ADGRL2: variants seen among roughly 807,000 people sequenced by gnomAD.
ADGRL2 encodes the protein calcium-independent alpha-latrotoxin receptor 2.
Under a neutral mutation model 157.4 loss-of-function variants are expected in ADGRL2, and 44 were observed. The ratio of observed to expected loss-of-function variants is 0.28; its 90% CI spans 0.22 to 0.36. ADGRL2 has a LOEUF of 0.36. ADGRL2 is among the 10% of genes least tolerant of loss of function. The pLI is 1.00. For synonymous variants in ADGRL2, 585 were observed against 624.7 expected (o/e 0.94, Z 0.95); for missense variants, 1,510 against 1,768.9 (o/e 0.85, Z 2.63).
At chr1:81,965,893 G>C (rs991951032) in intron 11 of ADGRL2, among the ~76,000 whole-genome samples, 165 bp from the exon 12 acceptor site, 28 of 152,238 alleles carry the variant, frequency 1.8e-4, no homozygotes, top group African/African-American at 6.7e-4. Context: ...AAATCATTTG[G>C]AGTAATTTGG....
At chr1:81,578,937 C>T (rs971892629) in intron 2 of ADGRL2, among the ~76,000 whole-genome samples, 6 of 152,122 alleles carry the variant, frequency 3.9e-5, no homozygotes, top group African/African-American at 1.4e-4. Context: ...AATATTCCTC[C>T]TTGTAAAAGC....
At chr1:81,716,281 T>G (rs1460465334) in intron 1 of ADGRL2, among the ~76,000 whole-genome samples, 1 of 152,170 alleles carries the variant, frequency 6.6e-6, no homozygotes, top group Non-Finnish European at 1.5e-5. Flanking sequence ...CTATAGACTT[T>G]GCATGACCTT....
intron 2 of ADGRL2, among the ~76,000 whole-genome samples, chr1:81,575,626 T>C (rs1008277332): frequency 1.3e-5 from 2 of 152,194 alleles, no homozygotes; most frequent in African/African-American, 4.8e-5. Context: ...AAATGCCTGC[T>C]TGTAAATTCA....
intron 2 of ADGRL2, among the ~76,000 whole-genome samples, chr1:81,471,206 A>T (rs2078165050): frequency 6.6e-6 from 1 of 152,198 alleles, no homozygotes; most frequent in African/African-American, 2.4e-5. Flanking sequence ...GGTATATTTT[A>T]TACATTTCTT....
chr1:81,943,654 G>A lies in ADGRL2; in HGVS notation c.1095G>A (p.Gln365=), dbSNP rs768848597. 18 of 1,613,510 alleles carry A rather than the reference G, an allele frequency of 1.1e-5. No individual in the cohort carries two copies. Among genetic ancestry groups the A allele is most frequent in the Admixed American group, 1.7e-5 (1 of 59,934 alleles). ...GEYVDVPFPN[Q]YQYIAAVDYN... ...ATGTAGATGTTCCCTTCCCCAACCA[G>A]TATCAGTATATTGCTGCAGTGGATT... Residue 365 remains glutamine (Q), a synonymous_variant, in exon 6 of 24, where the codon CAG becomes CAA. Coordinates refer to ENST00000686636, the MANE Select transcript of ADGRL2 (RefSeq NM_001366006.2). This position sits in a 1 kb window ranked among gnomAD's most constrained non-coding sequence, Gnocchi z 5.6.
intron 2 of ADGRL2, among the ~76,000 whole-genome samples, chr1:81,447,473 A>C (rs749929401): frequency 5.3e-5 from 8 of 152,172 alleles, no homozygotes; most frequent in African/African-American, 1.9e-4. Flanking sequence ...AAAAATGGGT[A>C]ATGTCTACTA....
chr1:81,338,438 G>T (rs568840231), intron 1 of ADGRL2, among the ~76,000 whole-genome samples: 102 of 152,078 alleles, frequency 6.7e-4, no homozygotes, highest in Non-Finnish European at 1.1e-3. Flanking sequence ...CATTTTCTTG[G>T]TATCTAGTCT....
intron 2 of ADGRL2, among the ~76,000 whole-genome samples, chr1:81,513,367 T>G (rs1570341680): frequency 6.6e-6 from 1 of 152,238 alleles, no homozygotes; most frequent in East Asian, 1.9e-4. Flanking sequence ...GATGACTTAT[T>G]TAATAATTTT....
chr1:81,695,813 ACT>A (rs1003019040), upstream of ADGRL2, among the ~76,000 whole-genome samples: 12 of 145,694 alleles, frequency 8.2e-5, no homozygotes, highest in African/African-American at 2.5e-4. Context: ...ACAGAGTGAG[ACT>A]CTGTTTCAAA....
intron 10 of ADGRL2, among the ~76,000 whole-genome samples, chr1:81,954,012 A>G (rs1652670747): frequency 6.6e-6 from 1 of 152,148 alleles, no homozygotes; most frequent in Non-Finnish European, 1.5e-5. Context: ...AAGAAAAGGT[A>G]GTAGGAAAGT....
intron 11 of ADGRL2, among the ~76,000 whole-genome samples, chr1:81,959,448 T>G (rs1005881266): frequency 1.3e-5 from 2 of 152,216 alleles, no homozygotes; most frequent in African/African-American, 4.8e-5. Context: ...TCCTCCAGTA[T>G]GTGACTTTAT....
chr1:81,547,193 C>T (rs2080038736), intron 2 of ADGRL2, among the ~76,000 whole-genome samples: 2 of 152,178 alleles, frequency 1.3e-5, no homozygotes, highest in African/African-American at 4.8e-5. Context: ...CCATACCATG[C>T]AAGAGCTGAG....
chr1:81,557,459 GA>G (rs1382899032), intron 2 of ADGRL2: 10 of 37,970 alleles, frequency 2.6e-4, no homozygotes, highest in East Asian at 6.8e-4. Flanking sequence ...GAGAAAGAAA[GA>G]AAGAAAGAAG....
intron 2 of ADGRL2, among the ~76,000 whole-genome samples, chr1:81,542,351 G>C (rs925501877): frequency 6.6e-6 from 1 of 152,182 alleles, no homozygotes; most frequent in Non-Finnish European, 1.5e-5. Flanking sequence ...GTAGGGAATG[G>C]TAATTCTGAT....
At chr1:81,312,661 A>T (rs1012990596) in intron 1 of ADGRL2, among the ~76,000 whole-genome samples, 6 of 152,268 alleles carry the variant, frequency 3.9e-5, no homozygotes, top group Middle Eastern at 3.4e-3. Context: ...AGATGTTAAG[A>T]GTATTTGTGA....
At chr1:81,818,767 T>C (rs2090678365) in intron 1 of ADGRL2, among the ~76,000 whole-genome samples, 1 of 152,072 alleles carries the variant, frequency 6.6e-6, no homozygotes, top group Non-Finnish European at 1.5e-5. Context: ...CATGCCAAAA[T>C]GAAGTGCAGA....
intron 2 of ADGRL2, among the ~76,000 whole-genome samples, chr1:81,527,883 C>T (rs572985995): frequency 1.3e-5 from 2 of 151,812 alleles, no homozygotes; most frequent in Non-Finnish European, 2.9e-5. Flanking sequence ...CTGGCTAACA[C>T]GGTGAAACCC....
At chr1:81,637,528 C>A (rs1456202654) in intron 3 of ADGRL2, among the ~76,000 whole-genome samples, 1 of 152,082 alleles carries the variant, frequency 6.6e-6, no homozygotes, top group South Asian at 2.1e-4. Context: ...TTCTAGATTT[C>A]TAGATGTTCT....
chr1:81,919,795 T>C (rs1241602544), intron 3 of ADGRL2, among the ~76,000 whole-genome samples: 2 of 152,098 alleles, frequency 1.3e-5, no homozygotes, highest in Non-Finnish European at 2.9e-5. Flanking sequence ...CCTTTGAAAA[T>C]GTACAAAAGC....
Sources: allele counts gnomAD v4.1 joint callset (sites outside exome capture counted in the v4.1 genomes callset), GRCh38; gene constraint gnomAD v4.1.1; non-coding constraint Gnocchi (gnomAD v3.1); transcripts MANE v1.5; gene names NCBI Gene and HGNC (gene_info 2026-07-23, HGNC 2026-07-21).